The following CCNY variants were observed in gnomAD, a reference collection of about 807,000 sequenced individuals.
CCNY encodes the protein cyclin-Y.
A neutral mutation model predicts 42.8 loss-of-function variants in CCNY; 19 were observed. That is an observed-to-expected ratio of 0.44 (90% CI 0.31 to 0.65). The LOEUF (loss-of-function observed/expected upper bound fraction) is 0.65. CCNY is among the 30% of genes least tolerant of loss of function. The pLI is 0.07. For synonymous variants in CCNY, 165 were observed against 162.7 expected (o/e 1.01, Z -0.11); for missense variants, 370 against 437.3 (o/e 0.85, Z 1.37).
intron 8 of CCNY, among the ~76,000 whole-genome samples, chr10:35,559,858 G>T (rs542190216): frequency 4.6e-5 from 7 of 152,254 alleles, no homozygotes; most frequent in Non-Finnish European, 1.0e-4. Context: ...CAGGGGGTTA[G>T]GCCAAGGCAG....
At chr10:35,329,624 A>G (rs923552318) in intron 3 of CCNY, among the ~76,000 whole-genome samples, 1 of 152,208 alleles carries the variant, frequency 6.6e-6, no homozygotes, top group African/African-American at 2.4e-5. Context: ...GGACAAAGGA[A>G]AAGCATTGTT....
intron 1 of CCNY, among the ~76,000 whole-genome samples, chr10:35,359,831 T>C (rs1444450562): frequency 6.6e-6 from 1 of 152,200 alleles, no homozygotes; most frequent in East Asian, 1.9e-4. Context: ...GTGCCTAAAT[T>C]TGGACCTCAT....
rs111603277 is a variant in CCNY at position 35,260,844 on chromosome 10, G to A, written c.-9+10218G>A. Among the ~76,000 whole-genome samples, 38 of 152,280 alleles carry A rather than the reference G, an allele frequency of 2.5e-4. 2 individuals carry two copies. Among genetic ancestry groups the A allele is most frequent in the African/African-American group, 7.2e-4 (30 of 41,570 alleles). On this transcript the variant is annotated intron_variant, in intron 3 of 11. Transcript: ENST00000374706. ...TGTTAAGTGTGTGAACAGTGGCCCC[G>A]GTTCTGTGGCTCAAATCTATAATCC...
intron 1 of CCNY, among the ~76,000 whole-genome samples, chr10:35,482,741 TGGAAATAG>T (rs955597957): frequency 1.4e-5 from 2 of 138,390 alleles, no homozygotes; most frequent in Non-Finnish European, 3.1e-5. Flanking sequence ...CAAGGGAAGC[TGGAAATAG>T]GTGTGTGTGT....
At chr10:35,487,448 A>C (rs1589153766) in intron 2 of CCNY, among the ~76,000 whole-genome samples, 1 of 152,078 alleles carries the variant, frequency 6.6e-6, no homozygotes, top group African/African-American at 2.4e-5. Context: ...TGCAGACCCC[A>C]CATTCTCTTT....
chr10:35,520,089 A>G (rs913436019), intron 4 of CCNY, among the ~76,000 whole-genome samples: 2 of 152,198 alleles, frequency 1.3e-5, no homozygotes, highest in African/African-American at 4.8e-5. Context: ...TTTAAAATGC[A>G]CACTGGGAGC....
intron 3 of CCNY, among the ~76,000 whole-genome samples, chr10:35,253,750 C>G (rs1483431443): frequency 6.6e-6 from 1 of 152,022 alleles, no homozygotes; most frequent in Non-Finnish European, 1.5e-5. Context: ...TAAACAACAA[C>G]TGAATAGTGT....
rs909750965 is a variant in CCNY at position 35,570,738 on chromosome 10, C to T, written c.*1568C>T. The T allele has an allele frequency of 3.9e-5, 6 of 152,298 alleles. No individual in the cohort carries two copies. Among genetic ancestry groups the T allele is most frequent in the African/African-American group, 7.2e-5 (3 of 41,434 alleles). 9.4% of individuals were successfully genotyped at this position (152,298 alleles called of 1,614,324 possible). A position where few individuals can be genotyped will look rare whatever the true frequency, so the allele number is the denominator to read the frequency against. ...TAGTCTTGAATCATACACCTGATCC[C>T]CAAACATTGCCTGCTCTCAATGAAA... is the stretch of plus-strand genomic sequence containing the variant. On this transcript the variant is annotated 3_prime_UTR_variant, in exon 10 of 10. Coordinates refer to ENST00000374704, the MANE Select transcript of CCNY (RefSeq NM_145012.6).
intron 2 of CCNY, among the ~76,000 whole-genome samples, chr10:35,489,646 C>A (rs905163184): frequency 1.3e-5 from 2 of 152,162 alleles, no homozygotes; most frequent in African/African-American, 4.8e-5. Flanking sequence ...ATAGTCATAT[C>A]ATTGAATTCT....
intron 3 of CCNY, among the ~76,000 whole-genome samples, chr10:35,302,176 T>C (rs1197170048): frequency 6.6e-6 from 1 of 151,056 alleles, no homozygotes; most frequent in Non-Finnish European, 1.5e-5. Context: ...TTGGCCAGGA[T>C]GGTCTCGATC....
rs73266789 is a variant in CCNY at position 35,508,604 on chromosome 10, G to T, written c.264+7069G>T. On this transcript the variant is annotated intron_variant, in intron 3 of 9. Coordinates refer to ENST00000374704, the MANE Select transcript of CCNY (RefSeq NM_145012.6). ...TATTGCTTCTAGGCCCATTTAGCAG[G>T]TGTAGCTAGGAAACAGACATTTCAG... is the stretch of plus-strand genomic sequence containing the variant. Among the ~76,000 whole-genome samples, 1,000 of 152,240 alleles carry T rather than the reference G, an allele frequency of 6.6e-3. 14 individuals are homozygous for T. Among genetic ancestry groups the T allele is most frequent in the African/African-American group, 0.023 (939 of 41,518 alleles).
chr10:35,482,255 A>T (rs2135365296), intron 1 of CCNY, among the ~76,000 whole-genome samples: 1 of 152,344 alleles, frequency 6.6e-6, no homozygotes, highest in East Asian at 1.9e-4. Context: ...CACTAAGGAT[A>T]GCCCCTTCTG....
intron 7 of CCNY, among the ~76,000 whole-genome samples, chr10:35,549,328 C>T (rs941265640): frequency 1.2e-4 from 18 of 152,294 alleles, no homozygotes; most frequent in African/African-American, 4.3e-4. Context: ...CTGGTCAAGC[C>T]ACGTGACCCT....
chr10:35,395,833 C>T (rs1837512761), intron 1 of CCNY, among the ~76,000 whole-genome samples: 2 of 152,170 alleles, frequency 1.3e-5, no homozygotes, highest in South Asian at 4.1e-4. Flanking sequence ...GTCCTGGGTG[C>T]ATCTCTGAGG....
At chr10:35,563,142 T>A (rs1841498942) in intron 8 of CCNY, among the ~76,000 whole-genome samples, 1 of 152,198 alleles carries the variant, frequency 6.6e-6, no homozygotes, top group South Asian at 2.1e-4. Flanking sequence ...CTGTAAAAGA[T>A]GTGCTGCTGC....
chr10:35,414,295 C>T (rs529531691), intron 1 of CCNY, among the ~76,000 whole-genome samples: 5 of 152,310 alleles, frequency 3.3e-5, no homozygotes, highest in South Asian at 2.1e-4. Context: ...CAAGATCCCT[C>T]GCAGAACCTG....
rs1419471253 is a variant in CCNY, at chr10:35,257,203, CTTTTCTTTT to C, written c.-9+6578_-9+6586del. Among the ~76,000 whole-genome samples the C allele has an allele frequency of 9.9e-3, 1,416 of 142,566 alleles. 40 individuals carry two copies. In the South Asian group the frequency reaches 0.11, roughly 11 times the overall value. The allele number at this position is 142,566 out of a possible 152,430, so 93.5% of individuals were successfully genotyped here. On this transcript the variant is annotated intron_variant, in intron 3 of 11. Coordinates refer to the CCNY transcript ENST00000374706. ...TAATTCTCTCTTTCTTTTCTTTTTT[CTTTTCTTTT>C]CTCCTCCCTCCCTCCCTCCCTTCCT...
chr10:35,495,939 AG>A (rs1400550189), intron 2 of CCNY, among the ~76,000 whole-genome samples: 1 of 152,240 alleles, frequency 6.6e-6, no homozygotes, highest in Non-Finnish European at 1.5e-5. Context: ...TGAAAACTGT[AG>A]GAACTGTGTG....
chr10:35,268,079 T>G (rs926410371), intron 3 of CCNY, among the ~76,000 whole-genome samples: 39 of 152,150 alleles, frequency 2.6e-4, no homozygotes, highest in African/African-American at 9.4e-4. Flanking sequence ...CATGCGCCAC[T>G]ACACCCGGCT....
Sources: allele counts gnomAD v4.1 joint callset (sites outside exome capture counted in the v4.1 genomes callset), GRCh38; gene constraint gnomAD v4.1.1; transcripts MANE v1.5; gene names NCBI Gene and HGNC (gene_info 2026-07-23, HGNC 2026-07-21).